The following JAKMIP1 variants were observed in gnomAD, a reference collection of about 807,000 sequenced individuals.
JAKMIP1 encodes the protein janus kinase and microtubule-interacting protein 1.
Under a neutral mutation model 113.0 loss-of-function variants are expected in JAKMIP1, and 33 were observed. The observed-to-expected ratio is 0.29, with a 90% CI of 0.22 to 0.39. JAKMIP1 has a LOEUF of 0.39. JAKMIP1 is among the 10% of genes least tolerant of loss of function. The pLI is 1.00. For missense variants in JAKMIP1, 813 were observed against 1,080.5 expected (o/e 0.75, Z 3.47); for synonymous variants, 480 against 459.9 (o/e 1.04, Z -0.56).
rs1162961596 is a variant in JAKMIP1 at position 6,067,766 on chromosome 4, A to AGCTCCACGTTCACTCAAGCTCT, written c.1303-2780_1303-2759dup. Among the ~76,000 whole-genome samples, 5 of 130,262 alleles carry AGCTCCACGTTCACTCAAGCTCT rather than the reference A, an allele frequency of 3.8e-5. No homozygotes were observed. Among genetic ancestry groups the AGCTCCACGTTCACTCAAGCTCT allele is most frequent in the African/African-American group, 1.3e-4 (4 of 31,454 alleles). The allele number at this position is 130,262 out of a possible 152,430, so 85.5% of individuals were successfully genotyped here. A position where few individuals can be genotyped will look rare whatever the true frequency, so the allele number is the denominator to read the frequency against. The stretch of plus-strand genomic sequence containing the variant: ...TCTGCACACGCAGGTCACCCCCCTG[A>AGCTCCACGTTCACTCAAGCTCT]GCTCCACGTTCACTCAAGCTCTTCT... On this transcript the variant is annotated intron_variant, in intron 8 of 20. Transcript: ENST00000409021. This position sits in a 1 kb window ranked among gnomAD's most constrained non-coding sequence, Gnocchi z 4.6.
intron 1 of JAKMIP1, among the ~76,000 whole-genome samples, chr4:6,134,926 G>T (rs4689343): frequency 0.78 from 118,284 of 152,140 alleles, 46,186 homozygotes; most frequent in East Asian, 0.96. Flanking sequence ...GATAAACCAC[G>T]GTGGATGCCC....
chr4:6,057,795 G>A (rs1018515494), intron 11 of JAKMIP1, among the ~76,000 whole-genome samples: 19 of 152,340 alleles, frequency 1.2e-4, no homozygotes, highest in Middle Eastern at 3.4e-3. Flanking sequence ...TGGCTACTGG[G>A]ATGTTAGCAG....
At chr4:6,053,395 A>C (rs926472803) in intron 13 of JAKMIP1, among the ~76,000 whole-genome samples, 3 of 152,240 alleles carry the variant, frequency 2.0e-5, no homozygotes, top group Non-Finnish European at 4.4e-5. Flanking sequence ...TCTTTAGTCC[A>C]ATATTGCTGC....
Position 6,076,305 on chromosome 4 carries a change from G to C in JAKMIP1, c.1302+2634C>G, listed in dbSNP as rs1045113538. Among the ~76,000 whole-genome samples, 6 of 152,040 alleles carry C rather than the reference G, an allele frequency of 3.9e-5. No individual in the cohort carries two copies. The highest frequency in any genetic ancestry group is 2.0e-4 in the Admixed American group (3 of 15,260). On this transcript the variant is annotated intron_variant, in intron 8 of 20. Transcript: ENST00000409021. The surrounding 1 kb of genome is among the most constrained non-coding windows in gnomAD (Gnocchi z 4.8). ...ATGTGCAGAAATTTGCCCCGTGTTC[G>C]ACTTGGCTTGGTGGGAAAAGCTTGG...
intron 1 of JAKMIP1, among the ~76,000 whole-genome samples, chr4:6,125,848 C>CA (rs1560230961): frequency 0.03 from 428 of 14,242 alleles, 61 homozygotes; most frequent in African/African-American, 0.047. Flanking sequence ...CACACACACA[C>CA]CCCCCATACA....
rs530273965 is a variant in JAKMIP1, at chr4:6,164,361, C to T, written c.-148+35892G>A. Among the ~76,000 whole-genome samples, 3 of 152,232 alleles carry T rather than the reference C, an allele frequency of 2.0e-5. No individual in the cohort carries two copies. In the South Asian group the frequency reaches 6.2e-4, roughly 32 times the overall value. On this transcript the variant is annotated intron_variant, in intron 1 of 20. Coordinates refer to ENST00000409021, the MANE Select transcript of JAKMIP1 (RefSeq NM_001099433.2). ...GCATGGTTCACTGAATATTTTAAAC[C>T]CACTGTTGAGACCTACTGCTCGGAA...
At chr4:6,127,160 T>C (rs1273682914) in intron 1 of JAKMIP1, among the ~76,000 whole-genome samples, 1 of 152,164 alleles carries the variant, frequency 6.6e-6, no homozygotes, top group Non-Finnish European at 1.5e-5. Context: ...GCTGGGGGGC[T>C]TCAGAGCCTG....
chr4:6,061,139 T>A lies in JAKMIP1; in HGVS notation c.1561-632A>T, dbSNP rs1717217609. On this transcript the variant is annotated intron_variant, in intron 10 of 20. Transcript: ENST00000409021. This position sits in a 1 kb window ranked among gnomAD's most constrained non-coding sequence, Gnocchi z 5.3. ...AAATGGGACGCCTGTTGCTGCCAGA[T>A]GTTCTGACCTTTCAAGAGAGGTCAG... Among the ~76,000 whole-genome samples the A allele has an allele frequency of 6.6e-6, 1 of 152,248 alleles. No homozygotes were observed. Among genetic ancestry groups the A allele is most frequent in the African/African-American group, 2.4e-5 (1 of 41,468 alleles).
At chr4:6,171,521 G>C (rs1035372459) in intron 1 of JAKMIP1, among the ~76,000 whole-genome samples, 2 of 152,180 alleles carry the variant, frequency 1.3e-5, no homozygotes, top group Non-Finnish European at 2.9e-5. Context: ...AAGAACATCA[G>C]CCTAGTGGAA....
chr4:6,131,671 A>T (rs1718535125), intron 1 of JAKMIP1, among the ~76,000 whole-genome samples: 1 of 152,224 alleles, frequency 6.6e-6, no homozygotes, highest in African/African-American at 2.4e-5. Context: ...CAGGGGTTAC[A>T]GTGAGCCCAG....
At position 6,061,760 on chromosome 4, in the gene JAKMIP1, C is replaced by T. The variant is rs187326680; in HGVS notation, c.1560+552G>A. On this transcript the variant is annotated intron_variant, in intron 10 of 20. Transcript: ENST00000409021. This position sits in a 1 kb window ranked among gnomAD's most constrained non-coding sequence, Gnocchi z 5.3. ...AGTCCTCCACACTCCCAGGAGGAAG[C>T]GAGAGCAGGCCCCAGTCTATGTGAC... is the stretch of plus-strand genomic sequence containing the variant. Among the ~76,000 whole-genome samples, 8 of 152,216 alleles carry T rather than the reference C, an allele frequency of 5.3e-5. No individual in the cohort carries two copies. The highest frequency in any genetic ancestry group is 4.6e-4 in the Admixed American group (7 of 15,296).
Position 6,187,072 on chromosome 4 carries a change from T to C in JAKMIP1, c.-148+13181A>G, listed in dbSNP as rs1452719255. Among the ~76,000 whole-genome samples the C allele has an allele frequency of 2.0e-5, 3 of 152,146 alleles. No homozygotes were observed. Among genetic ancestry groups the C allele is most frequent in the Non-Finnish European group, 2.9e-5 (2 of 68,030 alleles). ...CTCAAACTCCTGGGCTCAAGCAATC[T>C]GCCCACCTCAGCCTCTCAAAATGCT... On this transcript the variant is annotated intron_variant, in intron 1 of 20. Transcript: ENST00000409021. The surrounding 1 kb of genome is among the most constrained non-coding windows in gnomAD (Gnocchi z 4.2).
At position 6,080,327 on chromosome 4, in the gene JAKMIP1, A is replaced by T. The variant is rs1302158656; in HGVS notation, c.1102-15T>A. On this transcript the variant is annotated splice_polypyrimidine_tract_variant and intron_variant, in intron 6 of 20. Transcript: ENST00000409021. This position sits in a 1 kb window ranked among gnomAD's most constrained non-coding sequence, Gnocchi z 6.0. ...AGCTTTTCTTTCTGCAGCCACAGGG[A>T]GACAGACCACCACAGGGTTACCCGC... The T allele has an allele frequency of 6.2e-7, 1 of 1,612,532 alleles. No individual in the cohort carries two copies. Among genetic ancestry groups the T allele is most frequent in the East Asian group, 2.2e-5 (1 of 44,898 alleles).
chr4:6,060,179 GCAAA>G (rs1298423805), intron 11 of JAKMIP1, among the ~76,000 whole-genome samples: 6 of 152,258 alleles, frequency 3.9e-5, no homozygotes, highest in South Asian at 2.1e-4. Flanking sequence ...TGTGCATTTG[GCAAA>G]CAAACAAAGA....
At chr4:6,189,187 T>C (rs1369936172) in intron 1 of JAKMIP1, among the ~76,000 whole-genome samples, 1 of 152,206 alleles carries the variant, frequency 6.6e-6, no homozygotes, top group African/African-American at 2.4e-5. Context: ...ACCACAGGAA[T>C]GCAGTTTGTT....
At chr4:6,164,648 A>G (rs1314663243) in intron 1 of JAKMIP1, among the ~76,000 whole-genome samples, 1 of 152,252 alleles carries the variant, frequency 6.6e-6, no homozygotes, top group Admixed American at 6.5e-5. Flanking sequence ...TTCTAGATGC[A>G]TTAAGAACAT....
chr4:6,101,369 G>A (rs928780177), intron 3 of JAKMIP1, among the ~76,000 whole-genome samples: 1 of 151,856 alleles, frequency 6.6e-6, no homozygotes. Flanking sequence ...GAACTGCCAC[G>A]GTATCTTTGT....
At position 6,050,828 on chromosome 4, in the gene JAKMIP1, G is replaced by A. The variant is rs1345247420; in HGVS notation, c.1807-149C>T. 23 of 636,078 alleles carry A rather than the reference G, an allele frequency of 3.6e-5. No homozygotes were observed. The highest frequency in any genetic ancestry group is 2.0e-4 in the East Asian group (7 of 35,628). 39.4% of individuals were successfully genotyped at this position (636,078 alleles called of 1,614,324 possible). A position where few individuals can be genotyped will look rare whatever the true frequency, so the allele number is the denominator to read the frequency against. Reference sequence around the variant, plus strand: ...GTTCGGACTAGAAGCAGCCTCGTCCGTGAGCTACGACGTTTTCACGCCTTC... The same window carrying A: ...GTTCGGACTAGAAGCAGCCTCGTCCATGAGCTACGACGTTTTCACGCCTTC... On this transcript the variant is annotated intron_variant, in intron 13 of 20. Transcript: ENST00000409021. The surrounding 1 kb of genome is among the most constrained non-coding windows in gnomAD (Gnocchi z 7.4).
chr4:6,054,996 C>A (rs1477625094), intron 12 of JAKMIP1, among the ~76,000 whole-genome samples: 1 of 152,102 alleles, frequency 6.6e-6, no homozygotes, highest in Admixed American at 6.5e-5. Flanking sequence ...TCTCCCGAGG[C>A]CTGGGGTTGC....
Sources: allele counts gnomAD v4.1 joint callset (sites outside exome capture counted in the v4.1 genomes callset), GRCh38; gene constraint gnomAD v4.1.1; non-coding constraint Gnocchi (gnomAD v3.1); transcripts MANE v1.5; gene names NCBI Gene and HGNC (gene_info 2026-07-23, HGNC 2026-07-21).